Variants in MAST4 observed in about 807,000 individuals in gnomAD.
MAST4 encodes microtubule-associated serine/threonine-protein kinase 4.
In MAST4, 89 loss-of-function variants were observed where a neutral mutation model predicts 162.7. That is an observed-to-expected ratio of 0.55 (90% CI 0.46 to 0.65). The LOEUF is 0.65. MAST4 is among the 30% of genes least tolerant of loss of function. MAST4 has a pLI of 0.00. For missense variants in MAST4, 3,153 were observed against 3,374.0 expected (o/e 0.93, Z 1.62); for synonymous variants, 1,479 against 1,361.1 (o/e 1.09, Z -1.91).
intron 4 of MAST4, among the ~76,000 whole-genome samples, chr5:66,967,788 A>G (rs1382003229): frequency 6.6e-6 from 1 of 151,974 alleles, no homozygotes; most frequent in East Asian, 1.9e-4. Flanking sequence ...ATATGGCCCT[A>G]AATATCAGTT....
chr5:66,876,952 C>T (rs1355566563), intron 3 of MAST4, among the ~76,000 whole-genome samples: 3 of 152,170 alleles, frequency 2.0e-5, no homozygotes, highest in Non-Finnish European at 4.4e-5. Context: ...ATCAATTCTG[C>T]AGTATCATAC....
Position 67,075,375 on chromosome 5 carries a change from A to C in MAST4, c.764-14787A>C, listed in dbSNP as rs536695922. 4.5e-4 allele frequency among the ~76,000 whole-genome samples: 68 copies of C among 151,950 alleles called. 2 individuals are homozygous for C. In the South Asian group the frequency reaches 0.014, roughly 31 times the overall value. ...TTTTTTGTAGAGACAGGGTTTCTCC[A>C]TGTTACCCAGGCTGGTCTTGAACCT... On this transcript the variant is annotated intron_variant, in intron 5 of 28. Transcript: ENST00000403625.
At chr5:66,869,860 ATC>A (rs1314954917) in intron 3 of MAST4, among the ~76,000 whole-genome samples, 1 of 152,020 alleles carries the variant, frequency 6.6e-6, no homozygotes, top group East Asian at 1.9e-4. Context: ...TTGTGAGACC[ATC>A]TCTCGGTTGC....
intron 1 of MAST4, among the ~76,000 whole-genome samples, chr5:66,709,102 T>C (rs1750331085): frequency 6.6e-6 from 1 of 152,208 alleles, no homozygotes. Context: ...ATTATAGAAA[T>C]ATTCAGTGAC....
chr5:67,163,640 G>A lies in MAST4; in HGVS notation c.4461G>A (p.Gln1487=). 6.2e-7 allele frequency: 1 copy of A among 1,607,460 alleles called. No homozygotes were observed. The highest frequency in any genetic ancestry group is 1.1e-5 in the South Asian group (1 of 90,178). ...REQSQREAPL[Q]SLDENVCDVP... ...AGTCCCAGCGGGAGGCGCCGCTGCA[G>A]AGCCTGGATGAGAACGTGTGCGACG... Residue 1487 remains glutamine, a synonymous_variant, in exon 29 of 29, where the codon CAG becomes CAA. Coordinates refer to ENST00000403625, the MANE Select transcript of MAST4 (RefSeq NM_001164664.2). This position sits in a 1 kb window ranked among gnomAD's most constrained non-coding sequence, Gnocchi z 7.0.
chr5:67,051,580 CAG>C (rs1758188759), intron 4 of MAST4, among the ~76,000 whole-genome samples: 1 of 152,090 alleles, frequency 6.6e-6, no homozygotes, highest in Admixed American at 6.6e-5. Flanking sequence ...AGGTGACTGT[CAG>C]ATATCCCAGA....
chr5:66,844,385 T>A (rs1206569772), intron 3 of MAST4, among the ~76,000 whole-genome samples: 1 of 152,136 alleles, frequency 6.6e-6, no homozygotes, highest in East Asian at 1.9e-4. Flanking sequence ...TCTTGGAGCA[T>A]CTTTGGATTT....
chr5:66,845,146 T>A (rs1758754395), intron 3 of MAST4, among the ~76,000 whole-genome samples: 1 of 130,830 alleles, frequency 7.6e-6, no homozygotes, highest in African/African-American at 3.0e-5. Flanking sequence ...CACTTGAAGT[T>A]CTAGGTTACA....
chr5:66,828,299 C>A (rs564495916), intron 3 of MAST4, among the ~76,000 whole-genome samples: 4 of 152,216 alleles, frequency 2.6e-5, no homozygotes, highest in African/African-American at 9.6e-5. Context: ...GTGTGTTCTG[C>A]TACATTTTTG....
At chr5:66,857,029 A>G (rs527510468) in intron 3 of MAST4, among the ~76,000 whole-genome samples, 1 of 152,334 alleles carries the variant, frequency 6.6e-6, no homozygotes, top group Admixed American at 6.5e-5. Context: ...CTTAAAACAT[A>G]AAGGAAATGT....
intron 4 of MAST4, among the ~76,000 whole-genome samples, chr5:67,022,089 T>G (rs1754058547): frequency 6.6e-6 from 1 of 152,212 alleles, no homozygotes; most frequent in African/African-American, 2.4e-5. Flanking sequence ...CCAAGCTGAC[T>G]GTGAGTGTCT....
intron 1 of MAST4, among the ~76,000 whole-genome samples, chr5:66,687,736 TG>T (rs1271214152): frequency 6.6e-6 from 1 of 152,126 alleles, no homozygotes; most frequent in African/African-American, 2.4e-5. Flanking sequence ...GTTGAATCCA[TG>T]GCTTTGCTAT....
intron 2 of MAST4, among the ~76,000 whole-genome samples, chr5:66,771,033 T>G (rs1754332483): frequency 6.6e-6 from 1 of 152,140 alleles, no homozygotes; most frequent in Non-Finnish European, 1.5e-5. Flanking sequence ...TATCTGGACC[T>G]TTGGCTCGGT....
At chr5:66,847,415 C>G (rs532695220) in intron 3 of MAST4, among the ~76,000 whole-genome samples, 2 of 152,258 alleles carry the variant, frequency 1.3e-5, no homozygotes, top group Non-Finnish European at 2.9e-5. Context: ...GGCAGGTCAC[C>G]TGAGATCAGG....
chr5:67,035,777 T>C (rs1270677066), intron 4 of MAST4, among the ~76,000 whole-genome samples: 1 of 152,040 alleles, frequency 6.6e-6, no homozygotes, highest in East Asian at 1.9e-4. Flanking sequence ...CCCCTTGGAG[T>C]CCGTCAGTGG....
At position 67,142,501 on chromosome 5, in the gene MAST4, C is replaced by A. The variant is rs1561156534; in HGVS notation, c.2698C>A (p.Gln900Lys). 1 of 1,590,020 alleles carries A rather than the reference C, an allele frequency of 6.3e-7. No homozygotes were observed. The highest frequency in any genetic ancestry group is 2.3e-5 in the East Asian group (1 of 44,070). Residue 900 changes from glutamine to lysine, a missense_variant, in exon 21 of 29, where the codon CAG becomes AAG. By Grantham distance (53) the Gln-to-Lys change is moderately conservative (BLOSUM62 1). Transcript: ENST00000403625. ...NDEDFNVEIRQFSSCSHRFSK... is the reference protein window; with the variant it reads ...NDEDFNVEIRKFSSCSHRFSK... ...TGAAGACTTTAATGTGGAAATAAGG[C>A]AGTTTTCTTCATGTTCACACAGGTT...
At chr5:66,765,881 A>G (rs536475793) in intron 2 of MAST4, among the ~76,000 whole-genome samples, 2 of 152,092 alleles carry the variant, frequency 1.3e-5, no homozygotes, top group Non-Finnish European at 2.9e-5. Context: ...CATTTAAACA[A>G]TAGACCTGGA....
At chr5:67,004,720 T>A in intron 4 of MAST4, 1 of 391,184 alleles carries the variant, frequency 2.6e-6, no homozygotes, top group Non-Finnish European at 4.8e-6. Context: ...TGGCCGAGCC[T>A]GACTAGGAGA....
At chr5:67,139,371 A>G (rs1045796745) in intron 19 of MAST4, among the ~76,000 whole-genome samples, 1 of 152,232 alleles carries the variant, frequency 6.6e-6, no homozygotes, top group African/African-American at 2.4e-5. Flanking sequence ...GAAAGGAGAG[A>G]AAAGGGAAAG....
Sources: gnomAD v4.1 joint callset for allele counts (sites outside exome capture counted in the v4.1 genomes callset) on GRCh38, gnomAD v4.1.1 for gene constraint, Gnocchi (gnomAD v3.1) non-coding constraint, MANE v1.5 for transcripts, NCBI Gene and HGNC (gene_info 2026-07-23, HGNC 2026-07-21) for gene names.